The following MFSD6 variants were observed in gnomAD, a reference collection of about 807,000 sequenced individuals.
MFSD6 encodes the protein major facilitator superfamily domain-containing protein 6.
In MFSD6, 26 loss-of-function variants were observed where a neutral mutation model predicts 56.3. That is an observed-to-expected ratio of 0.46 (90% CI 0.34 to 0.64). The LOEUF is 0.64. Ranked by LOEUF, MFSD6 falls within the 30% of genes least tolerant of loss-of-function variation. The pLI is 0.01. For missense variants in MFSD6, 750 were observed against 986.2 expected (o/e 0.76, Z 3.21); for synonymous variants, 331 against 366.9 (o/e 0.90, Z 1.12).
chr2:190,486,328 CAT>C (rs374600498), intron 4 of MFSD6, among the ~76,000 whole-genome samples: 16 of 152,200 alleles, frequency 1.1e-4, no homozygotes, highest in African/African-American at 2.9e-4. Flanking sequence ...AGTGTCTGCA[CAT>C]GTTTTGCTGA....
chr2:190,442,229 A>G (rs1486037968), intron 3 of MFSD6, among the ~76,000 whole-genome samples: 1 of 152,192 alleles, frequency 6.6e-6, no homozygotes, highest in African/African-American at 2.4e-5. Flanking sequence ...GTATTATTCT[A>G]TATTACTTAA....
intron 4 of MFSD6, among the ~76,000 whole-genome samples, chr2:190,473,512 G>T (rs995760063): frequency 2.0e-5 from 3 of 152,162 alleles, no homozygotes; most frequent in African/African-American, 7.2e-5. Context: ...AATTCAACAA[G>T]AAGAGCTAAC....
At chr2:190,446,474 A>G (rs938700055) in intron 3 of MFSD6, among the ~76,000 whole-genome samples, 1 of 152,190 alleles carries the variant, frequency 6.6e-6, no homozygotes, top group Non-Finnish European at 1.5e-5. Flanking sequence ...CCAACTGAAA[A>G]GTAGTTTAAA....
rs1327096108 is a variant in MFSD6 at position 190,441,771 on chromosome 2, G to GC, written c.1532+4214dup. On this transcript the variant is annotated intron_variant, in intron 3 of 7. Coordinates refer to ENST00000392328, the MANE Select transcript of MFSD6 (RefSeq NM_017694.4). ...CTGTGAGCTGCTGCGTCTCACCTAT[G>GC]CCCCACCCACTGTGGGTGGCCCTGA... 6.6e-5 allele frequency among the ~76,000 whole-genome samples: 10 copies of GC among 152,020 alleles called. No homozygotes were observed. The East Asian group carries it at 1.9e-3, about 30-fold the overall frequency.
intron 1 of MFSD6, among the ~76,000 whole-genome samples, chr2:190,414,084 T>C (rs966665582): frequency 6.6e-6 from 1 of 151,996 alleles, no homozygotes; most frequent in African/African-American, 2.4e-5. Context: ...GCCTATGACT[T>C]TTAAGAAGTA....
Position 190,412,328 on chromosome 2 carries a change from A to G in MFSD6, c.-175-2964A>G. Reference sequence around the variant, plus strand: ...ATTGTAAAAGTATTTTACAGAAGAGATATTCTCACAATTTTAGGTATTATC... The same window carrying G: ...ATTGTAAAAGTATTTTACAGAAGAGGTATTCTCACAATTTTAGGTATTATC... On this transcript the variant is annotated intron_variant, in intron 1 of 7. Coordinates refer to ENST00000392328, the MANE Select transcript of MFSD6 (RefSeq NM_017694.4). The surrounding 1 kb of genome is among the most constrained non-coding windows in gnomAD (Gnocchi z 4.1). The G allele has an allele frequency of 2.0e-6, 2 of 984,080 alleles. No homozygotes were observed. Among genetic ancestry groups the G allele is most frequent in the Non-Finnish European group, 2.4e-6 (2 of 828,734 alleles). 61.0% of individuals were successfully genotyped at this position (984,080 alleles called of 1,614,324 possible).
chr2:190,436,544 C>T lies in MFSD6; in HGVS notation c.515C>T (p.Ala172Val), dbSNP rs980399949. 1 of 1,614,230 alleles carries T rather than the reference C, an allele frequency of 6.2e-7. No individual in the cohort carries two copies. The highest frequency in any genetic ancestry group is 1.7e-5 in the Admixed American group (1 of 60,028). ...CGCCCAACAACTCACCCCACCAATG[C>T]AAGTCACCAGTTAACTATCCTGCCA... Reference protein sequence around the residue: ...KIRPTTHPTNASHQLTILPTN... With the variant: ...KIRPTTHPTNVSHQLTILPTN... Residue 172 changes from alanine to valine, a missense_variant, in exon 3 of 8, where the codon GCA (alanine) becomes GTA (valine). Coordinates refer to ENST00000392328, the MANE Select transcript of MFSD6 (RefSeq NM_017694.4). The surrounding 1 kb of genome is among the most constrained non-coding windows in gnomAD (Gnocchi z 5.3).
In MFSD6 at chr2:190,465,231, G is replaced by T. The variant is rs1413238438; in HGVS notation, c.1533-4527G>T. ...TTTCCACAGGGTAGTGTTTTCTGCT[G>T]CATCATTTGCTTCTTATCAATTGTG... On this transcript the variant is annotated intron_variant, in intron 3 of 7. Coordinates refer to ENST00000392328, the MANE Select transcript of MFSD6 (RefSeq NM_017694.4). This position sits in a 1 kb window ranked among gnomAD's most constrained non-coding sequence, Gnocchi z 4.6. 6.6e-6 allele frequency among the ~76,000 whole-genome samples: 1 copy of T among 152,140 alleles called. No individual in the cohort carries two copies. Among genetic ancestry groups the T allele is most frequent in the Non-Finnish European group, 1.5e-5 (1 of 68,026 alleles).
Position 190,443,932 on chromosome 2 carries a change from G to A in MFSD6, c.1532+6371G>A, listed in dbSNP as rs1057358273. The stretch of plus-strand genomic sequence containing the variant: ...CTGGGCATGGTGTCACACGCCTGTA[G>A]TCCCAGTTACTTGGGAGCCTGAGCT... On this transcript the variant is annotated intron_variant, in intron 3 of 7. Transcript: ENST00000392328. The surrounding 1 kb of genome is among the most constrained non-coding windows in gnomAD (Gnocchi z 4.2). Among the ~76,000 whole-genome samples the A allele has an allele frequency of 2.6e-5, 4 of 152,112 alleles. No individual in the cohort carries two copies. The highest frequency in any genetic ancestry group is 9.7e-5 in the African/African-American group (4 of 41,424).
At position 190,490,204 on chromosome 2, in the gene MFSD6, T is replaced by C. The variant is rs1400188262; in HGVS notation, c.1891+338T>C. On this transcript the variant is annotated intron_variant, in intron 6 of 7. Coordinates refer to ENST00000392328, the MANE Select transcript of MFSD6 (RefSeq NM_017694.4). The surrounding 1 kb of genome is among the most constrained non-coding windows in gnomAD (Gnocchi z 4.5). ...AAATACATATAAGGCTATACAGTCATTTTGCTACTAGGGATAGGGAGTGAG... is the reference window on the plus strand; with the variant it reads ...AAATACATATAAGGCTATACAGTCACTTTGCTACTAGGGATAGGGAGTGAG... 6.6e-6 allele frequency among the ~76,000 whole-genome samples: 1 copy of C among 151,924 alleles called. No homozygotes were observed. The highest frequency in any genetic ancestry group is 1.5e-5 in the Non-Finnish European group (1 of 68,006).
At position 190,436,942 on chromosome 2, in the gene MFSD6, T is replaced by C; in HGVS notation, c.913T>C (p.Ser305Pro). 1 of 1,614,234 alleles carries C rather than the reference T, an allele frequency of 6.2e-7. No homozygotes were observed. Among genetic ancestry groups the C allele is most frequent in the Non-Finnish European group, 8.5e-7 (1 of 1,180,040 alleles). Residue 305 changes from serine to proline, a missense_variant, in exon 3 of 8, where the codon TCT becomes CCT. By Grantham distance (74) the Ser-to-Pro change is moderately conservative. Transcript: ENST00000392328. This position sits in a 1 kb window ranked among gnomAD's most constrained non-coding sequence, Gnocchi z 5.3. ...VIIGEFFSAS[S>P]VTIVDTVTLQ... Reference sequence around the variant, plus strand: ...AATAGGAGAATTTTTCAGTGCCTCTTCTGTCACAATCGTAGACACGGTCAC... The same window carrying C: ...AATAGGAGAATTTTTCAGTGCCTCTCCTGTCACAATCGTAGACACGGTCAC...
chr2:190,412,260 G>A lies in MFSD6; in HGVS notation c.-175-3032G>A. 1.0e-6 allele frequency: 1 copy of A among 984,378 alleles called. No homozygotes were observed. Among genetic ancestry groups the A allele is most frequent in the Non-Finnish European group, 1.2e-6 (1 of 829,092 alleles). 61.0% of individuals were successfully genotyped at this position (984,378 alleles called of 1,614,324 possible). On this transcript the variant is annotated intron_variant, in intron 1 of 7. Transcript: ENST00000392328. The surrounding 1 kb of genome is among the most constrained non-coding windows in gnomAD (Gnocchi z 4.1). ...TCAAGAAAACACATGCTTAAACTTG[G>A]TTAATTATCATTGTGGTAGTAGGTA... is the stretch of plus-strand genomic sequence containing the variant.
intron 2 of MFSD6, among the ~76,000 whole-genome samples, chr2:190,422,798 C>A (rs1327049402): frequency 6.6e-6 from 1 of 151,730 alleles, no homozygotes; most frequent in Non-Finnish European, 1.5e-5. Flanking sequence ...TAATTTTTTT[C>A]TTTTCTTCCT....
Position 190,438,217 on chromosome 2 carries a change from A to AC in MFSD6, c.1532+656_1532+657insC, listed in dbSNP as rs1298292279. 6.6e-6 allele frequency among the ~76,000 whole-genome samples: 1 copy of AC among 150,650 alleles called. No individual in the cohort carries two copies. The highest frequency in any genetic ancestry group is 2.4e-5 in the African/African-American group (1 of 40,930). ...TTCCCATGTAATTCTTTTAGTTATA[A>AC]AAAAAAAAATCTATAGGCTGGGCAC... On this transcript the variant is annotated intron_variant, in intron 3 of 7. Coordinates refer to ENST00000392328, the MANE Select transcript of MFSD6 (RefSeq NM_017694.4). This position sits in a 1 kb window ranked among gnomAD's most constrained non-coding sequence, Gnocchi z 5.2.
intron 3 of MFSD6, among the ~76,000 whole-genome samples, chr2:190,452,191 G>A (rs374141802): frequency 4.6e-5 from 7 of 151,960 alleles, no homozygotes; most frequent in East Asian, 1.9e-4. Context: ...GGAAGTGGAC[G>A]TTGCAGTGAG....
intron 4 of MFSD6, among the ~76,000 whole-genome samples, chr2:190,484,390 C>T (rs992164118): frequency 6.6e-6 from 1 of 152,180 alleles, no homozygotes; most frequent in East Asian, 1.9e-4. Context: ...TTTCACAGTT[C>T]TCTAATAACT....
Position 190,458,152 on chromosome 2 carries a change from G to C in MFSD6, c.1533-11606G>C, listed in dbSNP as rs1687138008. On this transcript the variant is annotated intron_variant, in intron 3 of 7. Transcript: ENST00000392328. The surrounding 1 kb of genome is among the most constrained non-coding windows in gnomAD (Gnocchi z 5.3). Reference sequence around the variant, plus strand: ...CTCAAGTTTGCTTGATGTTGGAGTTGTAAGTGACCTCGAAGGGCATTTTAA... The same window carrying C: ...CTCAAGTTTGCTTGATGTTGGAGTTCTAAGTGACCTCGAAGGGCATTTTAA... Among the ~76,000 whole-genome samples the C allele has an allele frequency of 6.6e-6, 1 of 152,164 alleles. No homozygotes were observed. The highest frequency in any genetic ancestry group is 2.1e-4 in the South Asian group (1 of 4,824).
rs904463736 is a variant in MFSD6 at position 190,490,954 on chromosome 2, A to G, written c.1891+1088A>G. 2.0e-5 allele frequency among the ~76,000 whole-genome samples: 3 copies of G among 152,208 alleles called. No individual in the cohort carries two copies. The highest frequency in any genetic ancestry group is 7.2e-5 in the African/African-American group (3 of 41,460). On this transcript the variant is annotated intron_variant, in intron 6 of 7. Coordinates refer to ENST00000392328, the MANE Select transcript of MFSD6 (RefSeq NM_017694.4). This position sits in a 1 kb window ranked among gnomAD's most constrained non-coding sequence, Gnocchi z 4.5. ...TACTTTTGTTCTTTTATAATCCTAA[A>G]TGGATTCTCTCTCTTACACAGCCTC...
intron 4 of MFSD6, among the ~76,000 whole-genome samples, chr2:190,472,971 A>C (rs1218887689): frequency 6.6e-6 from 1 of 152,254 alleles, no homozygotes; most frequent in Non-Finnish European, 1.5e-5. Flanking sequence ...CCAGAATTTC[A>C]TATCCAGCCA....
Sources: gnomAD v4.1 joint callset for allele counts (sites outside exome capture counted in the v4.1 genomes callset) on GRCh38, gnomAD v4.1.1 for gene constraint, Gnocchi (gnomAD v3.1) non-coding constraint, MANE v1.5 for transcripts, NCBI Gene and HGNC (gene_info 2026-07-23, HGNC 2026-07-21) for gene names.